The following NRG1 variants were observed in gnomAD, a reference collection of about 807,000 sequenced individuals.
NRG1 encodes pro-neuregulin-1, membrane-bound isoform.
Under a neutral mutation model 63.8 loss-of-function variants are expected in NRG1, and 18 were observed. The observed-to-expected ratio is 0.28, with a 90% confidence interval of 0.19 to 0.42. The LOEUF is 0.42. Ranked by LOEUF, NRG1 falls within the 10% of genes least tolerant of loss-of-function variation. The probability of loss-of-function intolerance (pLI) is 1.00; values close to 1 mark genes in which losing one functional copy is unlikely to be tolerated. For missense variants in NRG1, 762 were observed against 814.7 expected (o/e 0.94, Z 0.79); for synonymous variants, 302 against 301.3 (o/e 1.00, Z -0.02).
rs140024750 is a variant in NRG1 at position 32,745,705 on chromosome 8, C to T, written c.691+2972C>T. 6.0e-3 allele frequency among the ~76,000 whole-genome samples: 771 copies of T among 128,572 alleles called. 8 individuals are homozygous for T. Among genetic ancestry groups the T allele is most frequent in the African/African-American group, 0.022 (733 of 32,862 alleles). 84.3% of individuals were successfully genotyped at this position (128,572 alleles called of 152,430 possible). ...GTGTGTGTTCGTGTGTGTGTCCACACGTATGTGTGTGTATACAGGCACTCC... is the reference window on the plus strand; with the variant it reads ...GTGTGTGTTCGTGTGTGTGTCCACATGTATGTGTGTGTATACAGGCACTCC... On this transcript the variant is annotated intron_variant, in intron 7 of 11. Transcript: ENST00000356819.
At chr8:32,640,271 A>ACACACG (rs1299313079) in intron 5 of NRG1, among the ~76,000 whole-genome samples, 1 of 151,208 alleles carries the variant, frequency 6.6e-6, no homozygotes, top group African/African-American at 2.4e-5. Context: ...ACACACACAC[A>ACACACG]CACGCACGCA....
At chr8:32,504,935 A>G (rs7008287) in intron 1 of NRG1, among the ~76,000 whole-genome samples, 4 of 152,302 alleles carry the variant, frequency 2.6e-5, no homozygotes, top group Admixed American at 1.3e-4. Flanking sequence ...AAAGTTATTA[A>G]TATTTCCTTA....
rs1316860113 is a variant in NRG1, at chr8:32,025,923, C to T, written c.37+386492C>T. ...ATCCCGCCGCTGCATTACGGCCTGG[C>T]CGAGAGAGCGAGACTCCGTCTAAAA... is the stretch of plus-strand genomic sequence containing the variant. On this transcript the variant is annotated intron_variant, in intron 1 of 10. Transcript: ENST00000519301. Among the ~76,000 whole-genome samples, 7 of 144,146 alleles carry T rather than the reference C, an allele frequency of 4.9e-5. No individual in the cohort carries two copies. In the South Asian group the frequency reaches 8.9e-4, roughly 18 times the overall value. The allele number at this position is 144,146 out of a possible 152,430, so 94.6% of individuals were successfully genotyped here.
intron 5 of NRG1, among the ~76,000 whole-genome samples, chr8:32,652,124 A>C (rs1348894619): frequency 6.6e-6 from 1 of 152,152 alleles, no homozygotes; most frequent in Non-Finnish European, 1.5e-5. Flanking sequence ...GTTTTCTTCT[A>C]TCATCGTATC....
intron 1 of NRG1, among the ~76,000 whole-genome samples, chr8:32,567,934 G>A (rs559958755): frequency 1.3e-5 from 2 of 152,222 alleles, no homozygotes; most frequent in Non-Finnish European, 2.9e-5. Flanking sequence ...GGAGAAGGGG[G>A]AAGAACAGCT....
chr8:31,909,416 A>G (rs543746244), intron 1 of NRG1, among the ~76,000 whole-genome samples: 1 of 152,206 alleles, frequency 6.6e-6, no homozygotes, highest in South Asian at 2.1e-4. Flanking sequence ...CTTAATCTTC[A>G]GAGTTCTTCC....
At chr8:32,018,613 C>T (rs948652894) in intron 1 of NRG1, among the ~76,000 whole-genome samples, 1 of 152,046 alleles carries the variant, frequency 6.6e-6, no homozygotes, top group African/African-American at 2.4e-5. Context: ...AGTACTTTAT[C>T]TTCTTTTATA....
intron 1 of NRG1, among the ~76,000 whole-genome samples, chr8:32,027,513 A>G (rs1236148546): frequency 9.3e-6 from 1 of 107,584 alleles, no homozygotes; most frequent in Non-Finnish European, 1.8e-5. Flanking sequence ...TATAGTTGCC[A>G]TAGCGTTTTC....
intron 1 of NRG1, among the ~76,000 whole-genome samples, chr8:32,527,446 A>T (rs1368711387): frequency 6.6e-6 from 1 of 151,620 alleles, no homozygotes; most frequent in Middle Eastern, 3.4e-3. Context: ...TCTACTTATA[A>T]GTGGGAGCTA....
At chr8:31,745,098 G>GA (rs768773612) in intron 1 of NRG1, among the ~76,000 whole-genome samples, 17 of 151,944 alleles carry the variant, frequency 1.1e-4, no homozygotes, top group Non-Finnish European at 1.9e-4. Context: ...GAATTAGGGA[G>GA]AAAATGAGGA....
At chr8:32,166,554 C>CCACT (rs988576706) in intron 1 of NRG1, among the ~76,000 whole-genome samples, 62 of 152,260 alleles carry the variant, frequency 4.1e-4, no homozygotes, top group African/African-American at 1.3e-3. Flanking sequence ...CAGGAATTGT[C>CCACT]CACTTACAGC....
intron 1 of NRG1, among the ~76,000 whole-genome samples, chr8:32,531,495 T>C (rs935904561): frequency 1.3e-5 from 2 of 152,144 alleles, no homozygotes; most frequent in African/African-American, 2.4e-5. Context: ...TTTCTTACTT[T>C]CTGTGCCAAA....
At chr8:31,861,067 T>A (rs1012059928) in intron 1 of NRG1, among the ~76,000 whole-genome samples, 25 of 151,930 alleles carry the variant, frequency 1.6e-4, no homozygotes, top group African/African-American at 5.8e-4. Context: ...ACCGATAGAG[T>A]GGTGTCACTG....
At chr8:32,093,036 G>T (rs1587073258) in intron 1 of NRG1, among the ~76,000 whole-genome samples, 1 of 152,174 alleles carries the variant, frequency 6.6e-6, no homozygotes, top group East Asian at 1.9e-4. Context: ...GAGAATTTTA[G>T]TCTTTAAGGA....
chr8:32,586,470 A>T (rs1258120431), intron 1 of NRG1, among the ~76,000 whole-genome samples: 1 of 152,134 alleles, frequency 6.6e-6, no homozygotes, highest in African/African-American at 2.4e-5. Context: ...AGTATTGTAA[A>T]TTTCTCACAG....
intron 1 of NRG1, among the ~76,000 whole-genome samples, chr8:32,331,434 G>A (rs932623530): frequency 6.6e-6 from 1 of 151,508 alleles, no homozygotes; most frequent in African/African-American, 2.4e-5. Context: ...GGGAGGCTAA[G>A]CTGGGAGGAT....
intron 1 of NRG1, among the ~76,000 whole-genome samples, chr8:32,154,617 A>G (rs1473337885): frequency 6.6e-6 from 1 of 152,168 alleles, no homozygotes; most frequent in Non-Finnish European, 1.5e-5. Context: ...TTTGAATTCT[A>G]GCCATCTGTT....
At chr8:32,472,116 G>T (rs1018024639) in intron 1 of NRG1, among the ~76,000 whole-genome samples, 1 of 152,142 alleles carries the variant, frequency 6.6e-6, no homozygotes, top group African/African-American at 2.4e-5. Context: ...ATACAAAACT[G>T]GTGTAGGGAG....
intron 1 of NRG1, among the ~76,000 whole-genome samples, chr8:31,859,804 C>T (rs1234418733): frequency 6.6e-6 from 1 of 152,218 alleles, no homozygotes; most frequent in East Asian, 1.9e-4. Flanking sequence ...CCTTTTATAA[C>T]ATTACCTTGG....
Sources: gnomAD v4.1 joint callset for allele counts (sites outside exome capture counted in the v4.1 genomes callset) on GRCh38, gnomAD v4.1.1 for gene constraint, MANE v1.5 for transcripts, NCBI Gene and HGNC (gene_info 2026-07-23, HGNC 2026-07-21) for gene names.